LPXN: variants seen among roughly 807,000 people sequenced by gnomAD.
The protein encoded by LPXN is leupaxin.
In LPXN, 28 loss-of-function variants were observed where a neutral mutation model predicts 45.6. The ratio of observed to expected loss-of-function variants is 0.61; its 90% CI spans 0.45 to 0.84. The LOEUF is 0.84. LPXN is among the 40% of genes least tolerant of loss of function. The pLI is 0.00. For synonymous variants in LPXN, 166 were observed against 169.9 expected (o/e 0.98, Z 0.18); for missense variants, 459 against 475.0 (o/e 0.97, Z 0.31).
chr11:58,552,541 T>C lies in LPXN; in HGVS notation c.319-1309A>G, dbSNP rs79070034. Reference sequence around the variant, plus strand: ...TCCCTTTTTATCTTTCCCAATTTCATCTTTTATTAATACTATGTTGTAAAA... The same window carrying C: ...TCCCTTTTTATCTTTCCCAATTTCACCTTTTATTAATACTATGTTGTAAAA... On this transcript the variant is annotated intron_variant, in intron 4 of 8. Coordinates refer to ENST00000395074, the MANE Select transcript of LPXN (RefSeq NM_004811.3). Among the ~76,000 whole-genome samples, 35 of 152,350 alleles carry C rather than the reference T, an allele frequency of 2.3e-4. 2 individuals are homozygous for C. The East Asian group carries it at 6.0e-3, about 26-fold the overall frequency.
intron 3 of LPXN, among the ~76,000 whole-genome samples, chr11:58,557,747 GA>G (rs1320666028): frequency 1.3e-5 from 2 of 152,118 alleles, no homozygotes; most frequent in Non-Finnish European, 2.9e-5. Flanking sequence ...AACTGTGTGA[GA>G]TAATAAATAT....
upstream of LPXN, among the ~76,000 whole-genome samples, chr11:58,578,497 C>G (rs1854987091): frequency 6.6e-6 from 1 of 152,186 alleles, no homozygotes; most frequent in Non-Finnish European, 1.5e-5. Context: ...GCCATTTTTT[C>G]AGAGACTTTC....
At chr11:58,552,291 A>T (rs910190878) in intron 4 of LPXN, among the ~76,000 whole-genome samples, 1 of 152,008 alleles carries the variant, frequency 6.6e-6, no homozygotes, top group South Asian at 2.1e-4. Flanking sequence ...ATTATAAACC[A>T]TTCAAAGAAG....
chr11:58,547,325 CA>C (rs1478089185), intron 7 of LPXN, among the ~76,000 whole-genome samples: 1 of 152,116 alleles, frequency 6.6e-6, no homozygotes, highest in East Asian at 1.9e-4. Context: ...CTTTACAAAA[CA>C]AATCCTCAAA....
intron 7 of LPXN, among the ~76,000 whole-genome samples, chr11:58,538,382 C>A (rs1376722086): frequency 6.6e-6 from 1 of 152,008 alleles, no homozygotes; most frequent in East Asian, 1.9e-4. Context: ...AGTTTACAGT[C>A]CCACCAACAG....
At chr11:58,535,855 A>C (rs145229898) in intron 7 of LPXN, among the ~76,000 whole-genome samples, 1 of 152,234 alleles carries the variant, frequency 6.6e-6, no homozygotes, top group African/African-American at 2.4e-5. Context: ...CAAAAATCAC[A>C]AGCATTCCTA....
rs534189603 is a variant in LPXN, at chr11:58,553,416, C to T, written c.318+1425G>A. On this transcript the variant is annotated intron_variant, in intron 4 of 8. Coordinates refer to ENST00000395074, the MANE Select transcript of LPXN (RefSeq NM_004811.3). The stretch of plus-strand genomic sequence containing the variant: ...ATACACAAGCTAAATCAACTAGAAA[C>T]GCAACACAATTAAATCTAATGTACA... 1.2e-4 allele frequency among the ~76,000 whole-genome samples: 18 copies of T among 148,636 alleles called. No individual in the cohort carries two copies. In the South Asian group the frequency reaches 2.8e-3, roughly 23 times the overall value.
chr11:58,566,256 T>C (rs1854525027), intron 2 of LPXN, among the ~76,000 whole-genome samples: 1 of 152,222 alleles, frequency 6.6e-6, no homozygotes, highest in Non-Finnish European at 1.5e-5. Context: ...TGCTTCACTA[T>C]ATGTTTTTAA....
chr11:58,547,736 A>C (rs1190773461), intron 7 of LPXN, among the ~76,000 whole-genome samples: 1 of 152,166 alleles, frequency 6.6e-6, no homozygotes, highest in Non-Finnish European at 1.5e-5. Context: ...CACAGACTGA[A>C]TTACCTAATG....
chr11:58,574,942 C>T (rs1012856664), intron 1 of LPXN, among the ~76,000 whole-genome samples: 1 of 152,144 alleles, frequency 6.6e-6, no homozygotes, highest in Non-Finnish European at 1.5e-5. Context: ...AACCAGGACA[C>T]TGTGGAATTA....
At chr11:58,567,607 G>A (rs753474598) in intron 2 of LPXN, among the ~76,000 whole-genome samples, 2 of 152,196 alleles carry the variant, frequency 1.3e-5, no homozygotes, top group Admixed American at 6.5e-5. Context: ...TGCAGCTGCC[G>A]TGTTGAAGTC....
At chr11:58,577,614 T>G (rs1388567890), upstream of LPXN, among the ~76,000 whole-genome samples, 1 of 152,164 alleles carries the variant, frequency 6.6e-6, no homozygotes, top group Non-Finnish European at 1.5e-5. Context: ...GCAACGGAAA[T>G]TCCCTTTGAT....
At chr11:58,528,017 T>C in intron 8 of LPXN, 26 bp downstream of exon 8, 2 of 1,602,138 alleles carry the variant, frequency 1.2e-6, no homozygotes, top group Non-Finnish European at 1.7e-6. Context: ...TTTCCCTAAG[T>C]CCGAAAGAAA....
chr11:58,574,002 T>C (rs894493428), intron 1 of LPXN, among the ~76,000 whole-genome samples: 27 of 152,136 alleles, frequency 1.8e-4, no homozygotes, highest in African/African-American at 6.5e-4. Flanking sequence ...CAGGAAATAT[T>C]TGCTCACTTG....
Position 58,528,194 on chromosome 11 carries a change from G to A in LPXN, c.743-3C>T. On this transcript the variant is annotated splice_region_variant and splice_polypyrimidine_tract_variant and intron_variant, in intron 7 of 8. Transcript: ENST00000395074. The stretch of plus-strand genomic sequence containing the variant: ...CTTCTTGTCCTTCTCATGAAAGCCT[G>A]GAGAGATAAAATCAGGAATTCACTG... The A allele has an allele frequency of 4.3e-6, 7 of 1,613,036 alleles. No individual in the cohort carries two copies. Among genetic ancestry groups the A allele is most frequent in the Non-Finnish European group, 5.1e-6 (6 of 1,179,152 alleles).
At position 58,570,732 on chromosome 11, in the gene LPXN, G is replaced by C. The variant is rs1243051713; in HGVS notation, c.14-19C>G. 3 of 1,583,728 alleles carry C rather than the reference G, an allele frequency of 1.9e-6. No homozygotes were observed. Among genetic ancestry groups the C allele is most frequent in the Non-Finnish European group, 2.6e-6 (3 of 1,160,436 alleles). On this transcript the variant is annotated intron_variant, in intron 1 of 8. Transcript: ENST00000395074. ...AAGGCATCTACACCATAAGAAGCAA[G>C]AGAATCATGACAGAGAATATTTAAA... is the stretch of plus-strand genomic sequence containing the variant.
At chr11:58,550,205 G>T in intron 5 of LPXN, 59 bp from the exon 6 acceptor site, 1 of 1,520,308 alleles carries the variant, frequency 6.6e-7, no homozygotes, top group Non-Finnish European at 9.1e-7. Context: ...CAGCCTACAG[G>T]TTGCACAACT....
intron 7 of LPXN, among the ~76,000 whole-genome samples, chr11:58,543,287 G>C (rs528693929): frequency 3.3e-5 from 5 of 152,252 alleles, no homozygotes; most frequent in Middle Eastern, 3.4e-3. Flanking sequence ...TATTGAATGA[G>C]CTGACATAAG....
chr11:58,531,537 T>C (rs956111180), intron 7 of LPXN, among the ~76,000 whole-genome samples: 1 of 151,924 alleles, frequency 6.6e-6, no homozygotes, highest in Non-Finnish European at 1.5e-5. Context: ...GAATAAAGCC[T>C]CCAAGAAATA....
Sources: gnomAD v4.1 joint callset for allele counts (sites outside exome capture counted in the v4.1 genomes callset) on GRCh38, gnomAD v4.1.1 for gene constraint, MANE v1.5 for transcripts, NCBI Gene and HGNC (gene_info 2026-07-23, HGNC 2026-07-21) for gene names.